The following DGKI variants were observed in gnomAD, a reference collection of about 807,000 sequenced individuals.
The protein encoded by DGKI is DAG kinase iota.
A neutral mutation model predicts 147.5 loss-of-function variants in DGKI; 55 were observed. The ratio of observed to expected loss-of-function variants is 0.37; its 90% CI spans 0.30 to 0.47. DGKI has a LOEUF of 0.47. Among genes scored for constraint, DGKI ranks in the 20% least tolerant of loss-of-function variants. The pLI is 1.00. For missense variants in DGKI, 1,007 were observed against 1,323.8 expected (o/e 0.76, Z 3.71); for synonymous variants, 469 against 477.1 (o/e 0.98, Z 0.22).
rs565198694 is a variant in DGKI, at chr7:137,406,920, T to C, written c.2920+955A>G. Among the ~76,000 whole-genome samples, 30 of 69,772 alleles carry C rather than the reference T, an allele frequency of 4.3e-4. 1 individual carries two copies. The South Asian group carries it at 0.015, about 35-fold the overall frequency. The allele number at this position is 69,772 out of a possible 152,430, so 45.8% of individuals were successfully genotyped here. A position where few individuals can be genotyped will look rare whatever the true frequency, so the allele number is the denominator to read the frequency against. ...ATCAATGAATGGAATAAGACATACTTGCTGAATTGCAAAAAAAAAAAAAAA... is the reference window on the plus strand; with the variant it reads ...ATCAATGAATGGAATAAGACATACTCGCTGAATTGCAAAAAAAAAAAAAAA... On this transcript the variant is annotated intron_variant, in intron 30 of 32. Transcript: ENST00000614521.
At chr7:137,600,360 T>C (rs1312561159) in intron 10 of DGKI, among the ~76,000 whole-genome samples, 5 of 152,196 alleles carry the variant, frequency 3.3e-5, no homozygotes, top group African/African-American at 4.8e-5. Context: ...TGGATAGCCA[T>C]AGGTTGAATG....
rs1813983474 is a variant in DGKI at position 137,451,950 on chromosome 7, T to C, written c.2736-7848A>G. On this transcript the variant is annotated intron_variant, in intron 27 of 32. Coordinates refer to ENST00000614521, the MANE Select transcript of DGKI (RefSeq NM_001321708.2). Reference sequence around the variant, plus strand: ...GCCCTTCCTCAGAATGGCTACATCATTTCCTTCTTTGGAGATAGGATGTCA... The same window carrying C: ...GCCCTTCCTCAGAATGGCTACATCACTTCCTTCTTTGGAGATAGGATGTCA... Among the ~76,000 whole-genome samples, 3 of 152,362 alleles carry C rather than the reference T, an allele frequency of 2.0e-5. No individual in the cohort carries two copies. In the South Asian group the frequency reaches 6.2e-4, roughly 32 times the overall value.
intron 1 of DGKI, among the ~76,000 whole-genome samples, chr7:137,690,837 T>G (rs537839223): frequency 1.3e-5 from 2 of 151,454 alleles, no homozygotes; most frequent in South Asian, 4.2e-4. Flanking sequence ...GTGGTGAGAA[T>G]AAGAACAGCA....
At chr7:137,440,982 GA>G (rs909452453) in intron 28 of DGKI, among the ~76,000 whole-genome samples, 1 of 151,950 alleles carries the variant, frequency 6.6e-6, no homozygotes, top group African/African-American at 2.4e-5. Context: ...TAATGATAAT[GA>G]AAAAAACGGT....
chr7:137,690,871 A>T (rs976575540), intron 1 of DGKI, among the ~76,000 whole-genome samples: 4 of 152,134 alleles, frequency 2.6e-5, no homozygotes, highest in Non-Finnish European at 4.4e-5. Context: ...AAAAGCAGAG[A>T]TCACCTAGGG....
intron 1 of DGKI, among the ~76,000 whole-genome samples, chr7:137,761,725 T>A (rs1795862059): frequency 6.6e-6 from 1 of 152,192 alleles, no homozygotes; most frequent in South Asian, 2.1e-4. Context: ...CTAAGCAATC[T>A]GAGTTATACC....
intron 8 of DGKI, among the ~76,000 whole-genome samples, chr7:137,619,512 A>G (rs910787646): frequency 2.6e-5 from 4 of 152,152 alleles, no homozygotes; most frequent in African/African-American, 4.8e-5. Context: ...CATCAGCTAT[A>G]CCCACCACTA....
chr7:137,837,155 A>C (rs569991482), intron 1 of DGKI, among the ~76,000 whole-genome samples: 1 of 152,356 alleles, frequency 6.6e-6, no homozygotes, highest in South Asian at 2.1e-4. Context: ...TAAAATGGAA[A>C]TAATAATAGT....
intron 1 of DGKI, among the ~76,000 whole-genome samples, chr7:137,703,364 G>A (rs1003234678): frequency 1.3e-5 from 2 of 152,138 alleles, no homozygotes; most frequent in Admixed American, 1.3e-4. Flanking sequence ...AGATTTGGGT[G>A]GGGACACAAA....
intron 10 of DGKI, among the ~76,000 whole-genome samples, chr7:137,607,650 T>C (rs1400570286): frequency 6.6e-6 from 1 of 152,198 alleles, no homozygotes; most frequent in Non-Finnish European, 1.5e-5. Flanking sequence ...ATCATGGAAC[T>C]AATTACATTT....
At chr7:137,727,050 A>G (rs909789778) in intron 1 of DGKI, among the ~76,000 whole-genome samples, 4 of 151,966 alleles carry the variant, frequency 2.6e-5, no homozygotes, top group Admixed American at 1.3e-4. Context: ...AAGATCTGCA[A>G]AAGAAAAAAA....
intron 6 of DGKI, among the ~76,000 whole-genome samples, chr7:137,628,703 A>T (rs950453046): frequency 6.6e-6 from 1 of 152,210 alleles, no homozygotes; most frequent in Non-Finnish European, 1.5e-5. Context: ...CAGGATTAAA[A>T]ATACCAAGAA....
chr7:137,731,295 T>C (rs1392933847), intron 1 of DGKI, among the ~76,000 whole-genome samples: 1 of 152,134 alleles, frequency 6.6e-6, no homozygotes, highest in African/African-American at 2.4e-5. Context: ...TAGATTATTG[T>C]ATTTTTGCCT....
intron 2 of DGKI, among the ~76,000 whole-genome samples, chr7:137,684,346 T>C (rs1823342474): frequency 2.0e-5 from 3 of 152,246 alleles, no homozygotes; most frequent in South Asian, 4.1e-4. Flanking sequence ...TGATTACATG[T>C]TGAAATAATA....
Position 137,492,266 on chromosome 7 carries a change from C to A in DGKI, c.2249-4577G>T, listed in dbSNP as rs551161964. ...TTTTTCTAATGCAGAAGCCAAAGAT[C>A]AAAATAAACAGGATCCTCCAGGCAA... is the stretch of plus-strand genomic sequence containing the variant. On this transcript the variant is annotated intron_variant, in intron 21 of 32. Coordinates refer to ENST00000614521, the MANE Select transcript of DGKI (RefSeq NM_001321708.2). Among the ~76,000 whole-genome samples, 10 of 152,178 alleles carry A rather than the reference C, an allele frequency of 6.6e-5. No individual in the cohort carries two copies. The East Asian group carries it at 1.9e-3, about 29-fold the overall frequency.
chr7:137,402,074 G>T (rs1811780920), intron 30 of DGKI, among the ~76,000 whole-genome samples: 1 of 152,234 alleles, frequency 6.6e-6, no homozygotes, highest in Non-Finnish European at 1.5e-5. Context: ...AAACGGAGAT[G>T]AGAGCTTACT....
chr7:137,609,606 A>T lies in DGKI; in HGVS notation c.997T>A (p.Ser333Thr). The change falls in exon 9 of 33, where the codon TCC becomes ACC. Residue 333 changes from serine (S) to threonine (T), a missense_variant. By Grantham distance (58) the Ser-to-Thr change is moderately conservative. Coordinates refer to ENST00000614521, the MANE Select transcript of DGKI (RefSeq NM_001321708.2). ...WIIKVKKPQNSLKASNRKKKR... is the reference protein window; with the variant it reads ...WIIKVKKPQNTLKASNRKKKR... Reference sequence around the variant, plus strand: ...TTCTTCCGATTTGAAGCCTTCAGGGAGTTCTGTAGGGAGAGAGAGAAATGC... The same window carrying T: ...TTCTTCCGATTTGAAGCCTTCAGGGTGTTCTGTAGGGAGAGAGAGAAATGC... 6.2e-7 allele frequency: 1 copy of T among 1,612,706 alleles called. No individual in the cohort carries two copies. Among genetic ancestry groups the T allele is most frequent in the Non-Finnish European group, 8.5e-7 (1 of 1,179,028 alleles).
In DGKI at chr7:137,457,192, C is replaced by T. The variant is rs1048669599; in HGVS notation, c.2735+6297G>A. ...CAGGGATGTCAAAGGTAGGTAGAAA[C>T]GGGACCCAACTATCTCAGTGAAACA... On this transcript the variant is annotated intron_variant, in intron 27 of 32. Coordinates refer to ENST00000614521, the MANE Select transcript of DGKI (RefSeq NM_001321708.2). 4.6e-5 allele frequency among the ~76,000 whole-genome samples: 7 copies of T among 152,070 alleles called. No individual in the cohort carries two copies. In the South Asian group the frequency reaches 1.2e-3, roughly 27 times the overall value.
rs1029963067 is a variant in DGKI, at chr7:137,389,014, C to T, written c.*2206G>A. 6.6e-6 allele frequency: 1 copy of T among 152,016 alleles called. No homozygotes were observed. Among genetic ancestry groups the T allele is most frequent in the Non-Finnish European group, 1.5e-5 (1 of 68,002 alleles). 9.4% of individuals were successfully genotyped at this position (152,016 alleles called of 1,614,324 possible). Reference sequence around the variant, plus strand: ...TTGATGAAAACAGAGTTCTTCATCCCAACAGTAACAGCTAGATAACTGACT... The same window carrying T: ...TTGATGAAAACAGAGTTCTTCATCCTAACAGTAACAGCTAGATAACTGACT... On this transcript the variant is annotated 3_prime_UTR_variant, in exon 33 of 33. Transcript: ENST00000614521.
Sources: allele counts gnomAD v4.1 joint callset (sites outside exome capture counted in the v4.1 genomes callset), GRCh38; gene constraint gnomAD v4.1.1; transcripts MANE v1.5; gene names NCBI Gene and HGNC (gene_info 2026-07-23, HGNC 2026-07-21).